DACH1: variants seen among roughly 807,000 people sequenced by gnomAD.
DACH1 encodes the protein dachshund homolog 1.
A neutral mutation model predicts 54.2 loss-of-function variants in DACH1; 12 were observed. The ratio of observed to expected loss-of-function variants is 0.22; its 90% CI spans 0.14 to 0.36. The LOEUF (loss-of-function observed/expected upper bound fraction) is 0.36. Among genes scored for constraint, DACH1 ranks in the 10% least tolerant of loss-of-function variants. The probability of loss-of-function intolerance (pLI) is 1.00; values close to 1 mark genes in which losing one functional copy is unlikely to be tolerated. For missense variants in DACH1, 805 were observed against 929.8 expected (o/e 0.87, Z 1.75); for synonymous variants, 386 against 366.2 (o/e 1.05, Z -0.62).
rs865876095 is a variant in DACH1, at chr13:71,745,002, C to T, written c.849-63092G>A. On this transcript the variant is annotated intron_variant, in intron 1 of 10. Transcript: ENST00000613252. ...TTTTACCTTTTGCAAATTCATATCT[C>T]GGAATATTGTTTCTCATATATAAAG... Among the ~76,000 whole-genome samples, 10 of 152,150 alleles carry T rather than the reference C, an allele frequency of 6.6e-5. No individual in the cohort carries two copies. The South Asian group carries it at 1.5e-3, about 22-fold the overall frequency.
Position 71,866,612 on chromosome 13 carries a change from G to C in DACH1, c.158C>G (p.Thr53Ser), listed in dbSNP as rs1164081278. The change falls in exon 1 of 11, where the codon ACT becomes AGT. Residue 53 changes from threonine (T) to serine (S), a missense_variant. Coordinates refer to ENST00000613252, the MANE Select transcript of DACH1 (RefSeq NM_080759.6). Reference protein sequence around the residue: ...SIGPPASSGPTLFRPEPIASA... With the variant: ...SIGPPASSGPSLFRPEPIASA... ...AGCGATGGGCTCCGGGCGGAACAGA[G>C]TTGGCCCAGAGGACGCCGGGGGTCC... The C allele has an allele frequency of 1.5e-6, 2 of 1,367,322 alleles. No individual in the cohort carries two copies. Among genetic ancestry groups the C allele is most frequent in the Non-Finnish European group, 1.9e-6 (2 of 1,054,346 alleles). The allele number at this position is 1,367,322 out of a possible 1,614,324, so 84.7% of individuals were successfully genotyped here.
chr13:71,458,965 T>G (rs74670176), intron 10 of DACH1, among the ~76,000 whole-genome samples: 3 of 151,882 alleles, frequency 2.0e-5, no homozygotes, highest in Non-Finnish European at 4.4e-5. Context: ...TTGTTTTTTT[T>G]GGCCCTGCAC....
chr13:71,681,193 T>C (rs780019477), intron 2 of DACH1, among the ~76,000 whole-genome samples: 4 of 152,178 alleles, frequency 2.6e-5, no homozygotes, highest in Non-Finnish European at 5.9e-5. Context: ...ATCAAACGAA[T>C]TAATTTTGCT....
Position 71,767,586 on chromosome 13 carries a change from C to A in DACH1, c.849-85676G>T, listed in dbSNP as rs144113872. ...AATGTTATAGTTCAAACAATGCCCCCCCAAGACTCCAAATTTATTATAGCA... is the reference window on the plus strand; with the variant it reads ...AATGTTATAGTTCAAACAATGCCCCACCAAGACTCCAAATTTATTATAGCA... On this transcript the variant is annotated intron_variant, in intron 1 of 10. Coordinates refer to ENST00000613252, the MANE Select transcript of DACH1 (RefSeq NM_080759.6). Among the ~76,000 whole-genome samples the A allele has an allele frequency of 9.8e-3, 1,494 of 152,086 alleles. 16 individuals carry two copies. The highest frequency in any genetic ancestry group is 0.032 in the African/African-American group (1,317 of 41,518).
At chr13:71,864,866 C>A (rs1238264528) in intron 1 of DACH1, among the ~76,000 whole-genome samples, 1 of 152,078 alleles carries the variant, frequency 6.6e-6, no homozygotes, top group Non-Finnish European at 1.5e-5. Flanking sequence ...GAAGCCAAGG[C>A]ACAGAGTATC....
At chr13:71,812,781 C>A (rs1887767270) in intron 1 of DACH1, among the ~76,000 whole-genome samples, 1 of 152,024 alleles carries the variant, frequency 6.6e-6, no homozygotes, top group African/African-American at 2.4e-5. Context: ...AGGAAAAAAC[C>A]TCAAATGCAC....
At chr13:71,789,949 A>T (rs1359691000) in intron 1 of DACH1, among the ~76,000 whole-genome samples, 1 of 152,250 alleles carries the variant, frequency 6.6e-6, no homozygotes, top group East Asian at 1.9e-4. Context: ...TAGTCTATAA[A>T]ATTTGACATT....
At chr13:71,826,827 G>A (rs2138196334) in intron 1 of DACH1, among the ~76,000 whole-genome samples, 1 of 152,168 alleles carries the variant, frequency 6.6e-6, no homozygotes, top group East Asian at 1.9e-4. Flanking sequence ...GCCTGACCAA[G>A]AAAGTACTCA....
chr13:71,475,671 G>C, intron 9 of DACH1, 35 bp downstream of exon 9: 1 of 1,580,336 alleles, frequency 6.3e-7, no homozygotes, highest in East Asian at 2.3e-5. Flanking sequence ...CATTAAAAAT[G>C]ACAGTTATTC....
chr13:71,595,368 A>G (rs532812351), intron 3 of DACH1, among the ~76,000 whole-genome samples: 1 of 152,276 alleles, frequency 6.6e-6, no homozygotes, highest in East Asian at 1.9e-4. Context: ...TGGGATAATT[A>G]TAGGCAGAGA....
chr13:71,438,647 A>T lies in DACH1; in HGVS notation c.*2008T>A, dbSNP rs1873726530. On this transcript the variant is annotated 3_prime_UTR_variant, in exon 11 of 11. Transcript: ENST00000613252. Reference sequence around the variant, plus strand: ...GAGCAGAGCAATGGCTGATTCTACTACATATGTAAGTTGTAGGCTTTTTTA... The same window carrying T: ...GAGCAGAGCAATGGCTGATTCTACTTCATATGTAAGTTGTAGGCTTTTTTA... 6.6e-6 allele frequency: 1 copy of T among 152,482 alleles called. No homozygotes were observed. Among genetic ancestry groups the T allele is most frequent in the Non-Finnish European group, 1.5e-5 (1 of 67,900 alleles). 9.4% of individuals were successfully genotyped at this position (152,482 alleles called of 1,614,324 possible).
intron 1 of DACH1, among the ~76,000 whole-genome samples, chr13:71,727,172 G>C (rs1471082960): frequency 6.6e-6 from 1 of 152,008 alleles, no homozygotes; most frequent in Admixed American, 6.6e-5. Flanking sequence ...ATTCATTAAG[G>C]CTCACATAAA....
chr13:71,465,938 A>T (rs1397572764), intron 10 of DACH1, among the ~76,000 whole-genome samples: 2 of 152,180 alleles, frequency 1.3e-5, no homozygotes, highest in African/African-American at 2.4e-5. Flanking sequence ...AAAAAGATGT[A>T]AGTGGGCATA....
chr13:71,862,905 T>C (rs1320002852), intron 1 of DACH1, among the ~76,000 whole-genome samples: 3 of 152,124 alleles, frequency 2.0e-5, no homozygotes, highest in Non-Finnish European at 4.4e-5. Flanking sequence ...TATGTGCATG[T>C]ATAAATTATA....
intron 6 of DACH1, among the ~76,000 whole-genome samples, chr13:71,535,269 G>A (rs1370253894): frequency 6.6e-6 from 1 of 151,740 alleles, no homozygotes; most frequent in Non-Finnish European, 1.5e-5. Flanking sequence ...TGCATTTTTA[G>A]ATGTTATTAG....
At chr13:71,782,956 A>T (rs1426747427) in intron 1 of DACH1, among the ~76,000 whole-genome samples, 2 of 152,174 alleles carry the variant, frequency 1.3e-5, no homozygotes, top group East Asian at 3.8e-4. Context: ...AAGTCCCTCA[A>T]GCCATTATCA....
At chr13:71,585,129 G>A (rs1873139760) in intron 3 of DACH1, among the ~76,000 whole-genome samples, 4 of 151,964 alleles carry the variant, frequency 2.6e-5, no homozygotes, top group Admixed American at 2.6e-4. Flanking sequence ...GTAAGTACTG[G>A]GGAGATAGCA....
chr13:71,770,037 T>A (rs1366744276), intron 1 of DACH1, among the ~76,000 whole-genome samples: 1 of 151,736 alleles, frequency 6.6e-6, no homozygotes, highest in Non-Finnish European at 1.5e-5. Flanking sequence ...ATTAGAATAC[T>A]TTTAGTACAG....
chr13:71,825,675 C>T (rs546340500), intron 1 of DACH1, among the ~76,000 whole-genome samples: 17 of 152,112 alleles, frequency 1.1e-4, no homozygotes, highest in South Asian at 2.1e-4. Context: ...TGGATAGATA[C>T]GCCACATTTT....
Sources: gnomAD v4.1 joint callset for allele counts (sites outside exome capture counted in the v4.1 genomes callset) on GRCh38, gnomAD v4.1.1 for gene constraint, MANE v1.5 for transcripts, NCBI Gene and HGNC (gene_info 2026-07-23, HGNC 2026-07-21) for gene names.